YAP1: variants seen among roughly 807,000 people sequenced by gnomAD.
The protein encoded by YAP1 is transcriptional coactivator YAP1.
A neutral mutation model predicts 56.9 loss-of-function variants in YAP1; 5 were observed. The ratio of observed to expected loss-of-function variants is 0.09; its 90% confidence interval spans 0.05 to 0.18. The LOEUF is 0.18. Ranked by LOEUF, YAP1 falls within the 10% of genes least tolerant of loss-of-function variation. The probability of loss-of-function intolerance (pLI) is 1.00; values close to 1 mark genes in which losing one functional copy is unlikely to be tolerated. For missense variants in YAP1, 539 were observed against 651.8 expected (o/e 0.83, Z 1.88); for synonymous variants, 265 against 248.1 (o/e 1.07, Z -0.64).
At chr11:102,197,544 T>C (rs893495015) in intron 4 of YAP1, among the ~76,000 whole-genome samples, 1 of 152,170 alleles carries the variant, frequency 6.6e-6, no homozygotes, top group Admixed American at 6.5e-5. Flanking sequence ...CTTTCTTTTA[T>C]TTTTGAGAAA....
intron 2 of YAP1, among the ~76,000 whole-genome samples, chr11:102,149,001 T>C (rs1385390836): frequency 6.6e-6 from 1 of 152,180 alleles, no homozygotes; most frequent in Admixed American, 6.5e-5. Context: ...ATATTACTTT[T>C]TTACTGCTTT....
chr11:102,136,818 G>A (rs931495151), intron 2 of YAP1, among the ~76,000 whole-genome samples: 4 of 152,128 alleles, frequency 2.6e-5, no homozygotes, highest in East Asian at 1.9e-4. Flanking sequence ...ACTTCTGTCC[G>A]TAATAGTTGC....
chr11:102,127,365 G>A (rs1944094878), intron 2 of YAP1, among the ~76,000 whole-genome samples: 2 of 152,324 alleles, frequency 1.3e-5, no homozygotes, highest in South Asian at 4.1e-4. Flanking sequence ...TTGGTGCCCT[G>A]TGTCTCAGCC....
rs1591492260 is a variant in YAP1, at chr11:102,232,626, C to T, written c.*2686C>T. 6.6e-6 allele frequency: 1 copy of T among 152,486 alleles called. No homozygotes were observed. The highest frequency in any genetic ancestry group is 2.4e-5 in the African/African-American group (1 of 41,376). 9.4% of individuals were successfully genotyped at this position (152,486 alleles called of 1,614,324 possible). The stretch of plus-strand genomic sequence containing the variant: ...TGGTCTCTTGTTTTATGTCCTTGTT[C>T]CTAATGTAAAAGTGCTTAACTGCTT... On this transcript the variant is annotated 3_prime_UTR_variant, in exon 9 of 9. Coordinates refer to ENST00000282441, the MANE Select transcript of YAP1 (RefSeq NM_001130145.3).
chr11:102,229,918 A>C lies in YAP1; in HGVS notation c.1493A>C (p.Glu498Ala). The C allele has an allele frequency of 6.2e-7, 1 of 1,614,104 alleles. No homozygotes were observed. Among genetic ancestry groups the C allele is most frequent in the Non-Finnish European group, 8.5e-7 (1 of 1,179,940 alleles). The change falls in exon 9 of 9, where the codon GAA becomes GCA. Residue 498 changes from glutamate (E) to alanine (A), a missense_variant. Around this residue, in one of 4 missense-constraint regions of YAP1, gnomAD observed 12 missense variants for 31.2 expected, o/e 0.38. Coordinates refer to ENST00000282441, the MANE Select transcript of YAP1 (RefSeq NM_001130145.3). The stretch of plus-strand genomic sequence containing the variant: ...TTGGCTGCCACCAAGCTAGATAAAG[A>C]AAGCTTTCTTACATGGTTATAGAGC... ...SVLAATKLDK[E>A]SFLTWL
chr11:102,168,642 G>T (rs1946735126), intron 3 of YAP1, among the ~76,000 whole-genome samples: 1 of 152,152 alleles, frequency 6.6e-6, no homozygotes, highest in Non-Finnish European at 1.5e-5. Context: ...ATCATGAAAG[G>T]TGATACGTGT....
intron 3 of YAP1, among the ~76,000 whole-genome samples, chr11:102,174,732 C>G (rs1947133523): frequency 6.6e-6 from 1 of 152,074 alleles, no homozygotes; most frequent in Admixed American, 6.6e-5. Context: ...AGTGCTAAGT[C>G]CTAGGGATAC....
chr11:102,206,520 C>T (rs1397701488), intron 5 of YAP1, among the ~76,000 whole-genome samples: 2 of 152,106 alleles, frequency 1.3e-5, no homozygotes, highest in African/African-American at 4.8e-5. Flanking sequence ...TCGGTATTAC[C>T]GAATCTAAGA....
chr11:102,190,771 A>G (rs1307586358), intron 4 of YAP1, among the ~76,000 whole-genome samples: 1 of 151,736 alleles, frequency 6.6e-6, no homozygotes, highest in Non-Finnish European at 1.5e-5. Context: ...AACCCCGTCT[A>G]CTAAAAATGC....
At chr11:102,180,983 C>T (rs887179614) in intron 3 of YAP1, among the ~76,000 whole-genome samples, 2 of 151,742 alleles carry the variant, frequency 1.3e-5, no homozygotes, top group Non-Finnish European at 2.9e-5. Context: ...CCCATCTCTA[C>T]AGAAAAATTT....
intron 8 of YAP1, among the ~76,000 whole-genome samples, chr11:102,228,814 T>C (rs1246620626): frequency 6.6e-6 from 1 of 152,078 alleles, no homozygotes; most frequent in African/African-American, 2.4e-5. Context: ...AGCTGTTCTT[T>C]AGCTACCAAC....
chr11:102,226,684 TTAGTC>T (rs1409645996), intron 7 of YAP1, among the ~76,000 whole-genome samples: 1 of 152,242 alleles, frequency 6.6e-6, no homozygotes, highest in African/African-American at 2.4e-5. Flanking sequence ...GAAACCTTAC[TTAGTC>T]TAAAGTGAAA....
intron 2 of YAP1, among the ~76,000 whole-genome samples, chr11:102,162,128 G>T (rs768757878): frequency 1.6e-4 from 24 of 152,164 alleles, no homozygotes; most frequent in Non-Finnish European, 2.8e-4. Flanking sequence ...TAGTCATATG[G>T]TTACTCTTTT....
chr11:102,211,861 GC>G (rs1949420688), intron 6 of YAP1, among the ~76,000 whole-genome samples: 1 of 151,982 alleles, frequency 6.6e-6, no homozygotes, highest in South Asian at 2.1e-4. Context: ...CTGCCACTAC[GC>G]CCAGCTAATT....
chr11:102,214,052 G>C (rs1949546795), intron 6 of YAP1, among the ~76,000 whole-genome samples: 1 of 152,160 alleles, frequency 6.6e-6, no homozygotes, highest in Non-Finnish European at 1.5e-5. Context: ...ACTCCAGCCT[G>C]GGTGACAGAG....
intron 2 of YAP1, among the ~76,000 whole-genome samples, chr11:102,157,818 GTCACTATCA>G (rs1342651415): frequency 1.3e-5 from 2 of 152,102 alleles, no homozygotes; most frequent in Non-Finnish European, 2.9e-5. Context: ...GTCTGAGCAG[GTCACTATCA>G]TCAAAAGTGC....
chr11:102,214,518 A>G (rs759389904), intron 6 of YAP1, among the ~76,000 whole-genome samples: 1 of 152,220 alleles, frequency 6.6e-6, no homozygotes, highest in African/African-American at 2.4e-5. Flanking sequence ...TAGTAAAAGT[A>G]AAGTATTTGG....
chr11:102,166,387 T>C (rs947925115), intron 3 of YAP1, among the ~76,000 whole-genome samples: 1 of 152,250 alleles, frequency 6.6e-6, no homozygotes, highest in African/African-American at 2.4e-5. Context: ...AATCTTGATA[T>C]ACCTCATGTT....
At chr11:102,122,768 G>A (rs1429828079) in intron 2 of YAP1, among the ~76,000 whole-genome samples, 4 of 151,656 alleles carry the variant, frequency 2.6e-5, no homozygotes, top group South Asian at 2.1e-4. Context: ...GGTGGCAGGC[G>A]CCTTAATCCC....
Sources: gnomAD v4.1 joint callset for allele counts (sites outside exome capture counted in the v4.1 genomes callset) on GRCh38, gnomAD v4.1.1 for gene constraint, gnomAD v4.1.1 regional missense constraint, MANE v1.5 for transcripts, NCBI Gene and HGNC (gene_info 2026-07-23, HGNC 2026-07-21) for gene names.